NRG3: variants seen among roughly 807,000 people sequenced by gnomAD.
NRG3 encodes neuregulin 3.
In NRG3, 31 loss-of-function variants were observed where a neutral mutation model predicts 66.9. The observed-to-expected ratio is 0.46, with a 90% CI of 0.35 to 0.63. NRG3 has a LOEUF of 0.63. NRG3 is among the 20% of genes least tolerant of loss of function. NRG3 has a pLI of 0.00. For synonymous variants in NRG3, 393 were observed against 359.4 expected (o/e 1.09, Z -1.06); for missense variants, 910 against 878.9 (o/e 1.04, Z -0.45).
chr10:82,064,236 A>C (rs2064320245), intron 1 of NRG3, among the ~76,000 whole-genome samples: 1 of 152,168 alleles, frequency 6.6e-6, no homozygotes, highest in African/African-American at 2.4e-5. Context: ...GATCACAGGA[A>C]ATTCACCTAA....
At chr10:82,684,059 G>A (rs1388400436) in intron 2 of NRG3, among the ~76,000 whole-genome samples, 4 of 152,154 alleles carry the variant, frequency 2.6e-5, no homozygotes, top group African/African-American at 9.6e-5. Flanking sequence ...TTAAGTATTG[G>A]GTTAGAGATC....
At chr10:81,933,136 A>C (rs1224841625) in intron 1 of NRG3, among the ~76,000 whole-genome samples, 1 of 151,844 alleles carries the variant, frequency 6.6e-6, no homozygotes, top group Non-Finnish European at 1.5e-5. Context: ...GAAAAGAAAA[A>C]AAGAAATTTG....
At chr10:82,353,507 T>C (rs1235652485) in intron 1 of NRG3, among the ~76,000 whole-genome samples, 1 of 152,198 alleles carries the variant, frequency 6.6e-6, no homozygotes, top group African/African-American at 2.4e-5. Flanking sequence ...TTACTTACTA[T>C]GTATGCTACG....
chr10:82,141,269 C>A (rs1207088511), intron 1 of NRG3, among the ~76,000 whole-genome samples: 9 of 152,088 alleles, frequency 5.9e-5, no homozygotes, highest in Non-Finnish European at 1.5e-5. Context: ...AGTAATTTCT[C>A]AAAATTTTTC....
chr10:82,928,624 TTA>T (rs1491312711), intron 4 of NRG3, among the ~76,000 whole-genome samples: 83 of 115,374 alleles, frequency 7.2e-4, no homozygotes, highest in East Asian at 4.4e-3. Context: ...TTTTTTTTTT[TTA>T]AAAGTAAATC....
chr10:82,658,327 T>C (rs572625980), intron 2 of NRG3, among the ~76,000 whole-genome samples: 27 of 152,278 alleles, frequency 1.8e-4, no homozygotes, highest in African/African-American at 6.5e-4. Context: ...AGAAAACTTA[T>C]TTAACAGAAT....
chr10:82,118,065 G>C (rs2067839146), intron 1 of NRG3, among the ~76,000 whole-genome samples: 1 of 152,010 alleles, frequency 6.6e-6, no homozygotes, highest in African/African-American at 2.4e-5. Context: ...TTACTGTTAA[G>C]ATGACTGTCC....
chr10:81,959,611 T>C lies in NRG3; in HGVS notation c.823+83448T>C, dbSNP rs543898617. Reference sequence around the variant, plus strand: ...TTTAGGACCTTTTTATTTTTCCTGATGTGGTCTTTATTGTTAAAATATATT... The same window carrying C: ...TTTAGGACCTTTTTATTTTTCCTGACGTGGTCTTTATTGTTAAAATATATT... On this transcript the variant is annotated intron_variant, in intron 1 of 8. Coordinates refer to ENST00000372141, the MANE Select transcript of NRG3 (RefSeq NM_001010848.4). 2.0e-5 allele frequency among the ~76,000 whole-genome samples: 3 copies of C among 152,322 alleles called. No homozygotes were observed. The East Asian group carries it at 5.8e-4, about 29-fold the overall frequency.
chr10:82,435,181 A>G (rs573420979), intron 2 of NRG3, among the ~76,000 whole-genome samples: 1 of 152,170 alleles, frequency 6.6e-6, no homozygotes, highest in African/African-American at 2.4e-5. Context: ...GGTAGGGTGT[A>G]TGCATCCAGG....
At chr10:82,874,705 C>G (rs75076427) in intron 4 of NRG3, among the ~76,000 whole-genome samples, 3 of 152,096 alleles carry the variant, frequency 2.0e-5, no homozygotes, top group Non-Finnish European at 2.9e-5. Context: ...AATGACAAAA[C>G]CTGACTACTA....
At chr10:81,921,337 C>T (rs1172462483) in intron 1 of NRG3, among the ~76,000 whole-genome samples, 2 of 148,866 alleles carry the variant, frequency 1.3e-5, no homozygotes, top group Admixed American at 6.9e-5. Flanking sequence ...ATTTATACTT[C>T]ATTATCTTAT....
At chr10:82,323,677 T>C (rs1024218283) in intron 1 of NRG3, among the ~76,000 whole-genome samples, 16 of 152,100 alleles carry the variant, frequency 1.1e-4, no homozygotes, top group Non-Finnish European at 2.1e-4. Flanking sequence ...TTTTACAGAA[T>C]TGGTGTTTTT....
intron 2 of NRG3, among the ~76,000 whole-genome samples, chr10:82,523,388 G>T (rs1465728432): frequency 6.6e-6 from 1 of 151,130 alleles, no homozygotes. Flanking sequence ...AGTACTTGAG[G>T]GTTCCAATTT....
At chr10:82,422,887 A>T (rs564055119) in intron 2 of NRG3, among the ~76,000 whole-genome samples, 9 of 152,166 alleles carry the variant, frequency 5.9e-5, no homozygotes, top group Admixed American at 1.3e-4. Context: ...TGCCATAACT[A>T]CATTGAGTAT....
intron 1 of NRG3, among the ~76,000 whole-genome samples, chr10:82,254,524 A>G (rs879722573): frequency 2.6e-5 from 4 of 152,214 alleles, no homozygotes; most frequent in African/African-American, 9.6e-5. Flanking sequence ...CCATTCATCA[A>G]TTAAAACAAC....
chr10:82,817,108 C>T (rs2061743726), intron 3 of NRG3, among the ~76,000 whole-genome samples: 1 of 152,178 alleles, frequency 6.6e-6, no homozygotes, highest in African/African-American at 2.4e-5. Flanking sequence ...TCCCCAGTTT[C>T]CAGTCTTGCA....
intron 2 of NRG3, among the ~76,000 whole-genome samples, chr10:82,417,162 A>G (rs917212243): frequency 2.0e-5 from 3 of 152,192 alleles, no homozygotes; most frequent in Non-Finnish European, 2.9e-5. Flanking sequence ...CATCATAATC[A>G]TTATGGATTT....
chr10:82,204,111 T>C (rs2074993089), intron 1 of NRG3, among the ~76,000 whole-genome samples: 1 of 152,214 alleles, frequency 6.6e-6, no homozygotes, highest in Non-Finnish European at 1.5e-5. Context: ...TAATTCTGAG[T>C]ACAGTGGTGT....
At chr10:82,143,651 G>A (rs1010407148) in intron 1 of NRG3, among the ~76,000 whole-genome samples, 6 of 152,100 alleles carry the variant, frequency 3.9e-5, no homozygotes, top group Admixed American at 3.3e-4. Flanking sequence ...GGTAGTCCTG[G>A]GGCCTTCATT....
Sources: allele counts gnomAD v4.1 joint callset (sites outside exome capture counted in the v4.1 genomes callset), GRCh38; gene constraint gnomAD v4.1.1; transcripts MANE v1.5; gene names NCBI Gene and HGNC (gene_info 2026-07-23, HGNC 2026-07-21).